Variants in MIB1 observed in about 807,000 individuals in gnomAD.
The protein encoded by MIB1 is E3 ubiquitin-protein ligase MIB1.
Under a neutral mutation model 124.5 loss-of-function variants are expected in MIB1, and 278 were observed. The ratio of observed to expected loss-of-function variants is 2.23; its 90% CI spans 2.02 to 2.47. MIB1 has a LOEUF of 2.47. Ranked by LOEUF, MIB1 falls within the 30% of genes most tolerant of loss-of-function variation. The pLI is 0.00. For synonymous variants in MIB1, 446 were observed against 429.4 expected, an observed-to-expected ratio of 1.04 and a Z score of -0.48; for missense variants, 957 against 1,254.4, an observed-to-expected ratio of 0.76 and a Z score of 3.58.
chr18:21,765,670 A>G (rs2041148618), intron 1 of MIB1, 102 bp from the exon 2 acceptor site: 1 of 1,120,808 alleles, frequency 8.9e-7, no homozygotes, highest in Admixed American at 2.5e-5. Flanking sequence ...ATTTATTAGA[A>G]TATCTTGTAA....
chr18:21,847,675 T>C lies in MIB1; in HGVS notation c.2393+550T>C, dbSNP rs1412935965. Among the ~76,000 whole-genome samples, 8 of 152,058 alleles carry C rather than the reference T, an allele frequency of 5.3e-5. No homozygotes were observed. The East Asian group carries it at 1.3e-3, about 26-fold the overall frequency. Reference sequence around the variant, plus strand: ...TCTTCCTAAGACAGGCAACTTATACTCCATGAACAGGGTATATCTCACACA... The same window carrying C: ...TCTTCCTAAGACAGGCAACTTATACCCCATGAACAGGGTATATCTCACACA... On this transcript the variant is annotated intron_variant, in intron 16 of 20. Coordinates refer to ENST00000261537, the MANE Select transcript of MIB1 (RefSeq NM_020774.4).
At chr18:21,810,102 T>G (rs2041754001) in intron 10 of MIB1, among the ~76,000 whole-genome samples, 1 of 152,106 alleles carries the variant, frequency 6.6e-6, no homozygotes, top group Admixed American at 6.5e-5. Flanking sequence ...TTGAACAATC[T>G]GTTAACAATG....
At chr18:21,721,567 GAT>G (rs1049289051) in intron 1 of MIB1, among the ~76,000 whole-genome samples, 1 of 152,090 alleles carries the variant, frequency 6.6e-6, no homozygotes, top group Admixed American at 6.6e-5. Context: ...AGGAGGGAGA[GAT>G]GTGTGTCAAG....
intron 1 of MIB1, among the ~76,000 whole-genome samples, chr18:21,731,033 A>G (rs2040767317): frequency 6.6e-6 from 1 of 151,802 alleles, no homozygotes; most frequent in African/African-American, 2.4e-5. Flanking sequence ...TCCTGAGTGA[A>G]TTGGCCAACT....
At chr18:21,780,522 T>C (rs976454174) in intron 6 of MIB1, among the ~76,000 whole-genome samples, 8 of 152,246 alleles carry the variant, frequency 5.3e-5, no homozygotes, top group African/African-American at 1.9e-4. Flanking sequence ...TCACTTAACA[T>C]AATGACCTCC....
intron 20 of MIB1, among the ~76,000 whole-genome samples, chr18:21,863,864 G>GGT (rs1358562365): frequency 6.6e-6 from 1 of 151,984 alleles, no homozygotes; most frequent in African/African-American, 2.4e-5. Flanking sequence ...AAATTAGCTG[G>GGT]GTGTGGTGGT....
chr18:21,758,514 C>T (rs924539296), intron 1 of MIB1, among the ~76,000 whole-genome samples: 2 of 151,938 alleles, frequency 1.3e-5, no homozygotes, highest in African/African-American at 4.8e-5. Flanking sequence ...TAAGTAGTTA[C>T]ATTTAAATAA....
Position 21,741,873 on chromosome 18 carries a change from G to A in MIB1, c.229+61G>A, listed in dbSNP as rs2040857527. 3 of 1,431,136 alleles carry A rather than the reference G, an allele frequency of 2.1e-6. No homozygotes were observed. The highest frequency in any genetic ancestry group is 1.9e-6 in the Non-Finnish European group (2 of 1,065,958). 88.7% of individuals were successfully genotyped at this position (1,431,136 alleles called of 1,614,324 possible). On this transcript the variant is annotated intron_variant, in intron 1 of 20. Transcript: ENST00000261537. This position sits in a 1 kb window ranked among gnomAD's most constrained non-coding sequence, Gnocchi z 5.4. Reference sequence around the variant, plus strand: ...CGGGGGGAAGGGGCGAGCTGCGGTGGGCGTCGGTGTCGCGGGGAGAGGTCT... The same window carrying A: ...CGGGGGGAAGGGGCGAGCTGCGGTGAGCGTCGGTGTCGCGGGGAGAGGTCT...
At chr18:21,747,260 A>C (rs1332441331) in intron 1 of MIB1, among the ~76,000 whole-genome samples, 1 of 152,206 alleles carries the variant, frequency 6.6e-6, no homozygotes, top group Non-Finnish European at 1.5e-5. Context: ...TCTAGTTCTT[A>C]ATAGTCCCTG....
rs2042160288 is a variant in MIB1, at chr18:21,849,160, A to G, written c.2394-36A>G. The G allele has an allele frequency of 3.0e-6, 4 of 1,312,218 alleles. No homozygotes were observed. In the African/African-American group the frequency reaches 6.0e-5, roughly 20 times the overall value. The allele number at this position is 1,312,218 out of a possible 1,614,324, so 81.3% of individuals were successfully genotyped here. Reference sequence around the variant, plus strand: ...ACATTTTAATTAGTGAATTTGTAATAAGATAGGCTTGATTTGAAATACTTT... The same window carrying G: ...ACATTTTAATTAGTGAATTTGTAATGAGATAGGCTTGATTTGAAATACTTT... On this transcript the variant is annotated intron_variant, in intron 16 of 20. Coordinates refer to ENST00000261537, the MANE Select transcript of MIB1 (RefSeq NM_020774.4).
At chr18:21,772,578 A>G (rs1036764204) in intron 3 of MIB1, among the ~76,000 whole-genome samples, 2 of 152,226 alleles carry the variant, frequency 1.3e-5, no homozygotes, top group African/African-American at 4.8e-5. Context: ...CAAAATCTGA[A>G]AAAATTTGAA....
At chr18:21,801,734 C>G (rs1241512471) in intron 9 of MIB1, among the ~76,000 whole-genome samples, 1 of 152,054 alleles carries the variant, frequency 6.6e-6, no homozygotes, top group East Asian at 1.9e-4. Context: ...CTGTAACATA[C>G]CTCAATTGCT....
chr18:21,746,260 T>TC (rs999170826), intron 1 of MIB1, among the ~76,000 whole-genome samples: 2 of 152,244 alleles, frequency 1.3e-5, no homozygotes, highest in African/African-American at 4.8e-5. Context: ...ATCTTTCTGA[T>TC]ACGATTTTTC....
Position 21,801,423 on chromosome 18 carries a change from G to C in MIB1, c.1371+1449G>C, listed in dbSNP as rs865957626. ...AAATGACATTCATAGCCATGCTGTG[G>C]AGTATATTAGATTATGTTTTCCTGC... On this transcript the variant is annotated intron_variant, in intron 9 of 20. Coordinates refer to ENST00000261537, the MANE Select transcript of MIB1 (RefSeq NM_020774.4). 2.0e-5 allele frequency among the ~76,000 whole-genome samples: 3 copies of C among 152,202 alleles called. No individual in the cohort carries two copies. The Middle Eastern group carries it at 0.01, about 518-fold the overall frequency.
At chr18:21,798,317 G>C (rs1327081657) in intron 8 of MIB1, 89 bp downstream of exon 8, 3 of 1,276,398 alleles carry the variant, frequency 2.4e-6, no homozygotes, top group Non-Finnish European at 3.3e-6. Context: ...AGATAATGTT[G>C]TACATGTGCT....
Position 21,844,712 on chromosome 18 carries a change from A to G in MIB1, c.2211+459A>G, listed in dbSNP as rs534819744. ...CCACAGTGCTGGGATTACAGGCCTG[A>G]GCCACTGCGCCCAGCCATTCAGTTC... On this transcript the variant is annotated intron_variant, in intron 15 of 20. Coordinates refer to ENST00000261537, the MANE Select transcript of MIB1 (RefSeq NM_020774.4). Among the ~76,000 whole-genome samples, 8 of 152,340 alleles carry G rather than the reference A, an allele frequency of 5.3e-5. No homozygotes were observed. The East Asian group carries it at 1.2e-3, about 22-fold the overall frequency.
intron 4 of MIB1, among the ~76,000 whole-genome samples, chr18:21,774,439 T>C (rs1568195757): frequency 6.6e-6 from 1 of 152,182 alleles, no homozygotes; most frequent in Non-Finnish European, 1.5e-5. Flanking sequence ...AATACAAAAA[T>C]TAGCCGGGTT....
At chr18:21,709,581 T>C (rs1228769986) in intron 1 of MIB1, among the ~76,000 whole-genome samples, 2 of 152,222 alleles carry the variant, frequency 1.3e-5, no homozygotes, top group African/African-American at 4.8e-5. Flanking sequence ...TGGTGCAGTC[T>C]AGGTTGTATC....
chr18:21,805,990 G>A (rs1054884300), intron 10 of MIB1, among the ~76,000 whole-genome samples: 3 of 135,396 alleles, frequency 2.2e-5, no homozygotes, highest in African/African-American at 8.5e-5. Flanking sequence ...TGCAACCTCC[G>A]CCTCCCGGTT....
Sources: gnomAD v4.1 joint callset for allele counts (sites outside exome capture counted in the v4.1 genomes callset) on GRCh38, gnomAD v4.1.1 for gene constraint, Gnocchi (gnomAD v3.1) non-coding constraint, MANE v1.5 for transcripts, NCBI Gene and HGNC (gene_info 2026-07-23, HGNC 2026-07-21) for gene names.